FAAH2: variants seen among roughly 807,000 people sequenced by gnomAD.
FAAH2 encodes fatty acid amide hydrolase 2, also known as fatty-acid amide hydrolase 2.
A neutral mutation model predicts 36.9 loss-of-function variants in FAAH2; 60 were observed. That is an observed-to-expected ratio of 1.63 (90% CI 1.32 to 2.02). The LOEUF (loss-of-function observed/expected upper bound fraction) is 2.02, where lower values mean the gene tolerates loss of function less well. Ranked by LOEUF, FAAH2 falls within the 30% of genes most tolerant of loss-of-function variation. The probability of loss-of-function intolerance (pLI) is 0.00; values close to 1 mark genes in which losing one functional copy is unlikely to be tolerated. For synonymous variants in FAAH2, 214 were observed against 143.8 expected (o/e 1.49, Z -3.49); for missense variants, 689 against 397.5 (o/e 1.73, Z -6.23).
At position 57,310,738 on chromosome X, in the gene FAAH2, C is replaced by A. The variant is rs1435629593; in HGVS notation, c.412+9C>A. The A allele has an allele frequency of 3.4e-6, 4 of 1,181,837 alleles. No individual in the cohort carries two copies. Among genetic ancestry groups the A allele is most frequent in the South Asian group, 2.0e-5 (1 of 50,973 alleles). The stretch of plus-strand genomic sequence containing the variant: ...AGCTTTCCAGCTACAAGGTACTATT[C>A]TTTTATTTTTGGCTACATGAGTTTA... On this transcript the variant is annotated intron_variant, in intron 3 of 10. Coordinates refer to ENST00000374900, the MANE Select transcript of FAAH2 (RefSeq NM_174912.4).
the FAAH2 span, among the ~76,000 whole-genome samples, chrX:57,276,765 T>C: frequency 1.8e-5 from 2 of 111,208 alleles, no homozygotes; most frequent in Non-Finnish European, 3.8e-5. Flanking sequence ...CCCACAGAAA[T>C]ACAAACTACC....
intron 2 of FAAH2, among the ~76,000 whole-genome samples, chrX:57,295,254 A>G (rs1424736414): frequency 8.9e-6 from 1 of 112,157 alleles, no homozygotes; most frequent in African/African-American, 3.2e-5. Flanking sequence ...TGTGGGAAGA[A>G]ATAGGAAACT....
chrX:57,451,338 C>T (rs1171510295), intron 10 of FAAH2, among the ~76,000 whole-genome samples: 1 of 111,799 alleles, frequency 8.9e-6, no homozygotes, highest in East Asian at 2.8e-4. Context: ...AGTACCTTCT[C>T]CTACTTTGCT....
the FAAH2 span, among the ~76,000 whole-genome samples, chrX:57,261,552 C>CAAAAAAA: frequency 1.7e-4 from 4 of 23,386 alleles, no homozygotes; most frequent in Admixed American, 7.1e-4. Flanking sequence ...GACTCTGTCT[C>CAAAAAAA]AAAAAAAAAA....
chrX:57,467,821 C>T (rs940609706), intron 10 of FAAH2, among the ~76,000 whole-genome samples: 1 of 111,991 alleles, frequency 8.9e-6, no homozygotes, highest in African/African-American at 3.2e-5. Context: ...CCCTGACCTC[C>T]AAGTAGCCTA....
intron 5 of FAAH2, among the ~76,000 whole-genome samples, chrX:57,356,864 C>T (rs779176030): frequency 1.8e-5 from 2 of 110,463 alleles, no homozygotes; most frequent in South Asian, 3.8e-4. Context: ...TAGGTATATA[C>T]GTGCAATGGT....
chrX:57,454,609 C>T (rs770997213), intron 10 of FAAH2, among the ~76,000 whole-genome samples: 13 of 111,591 alleles, frequency 1.2e-4, no homozygotes, highest in Non-Finnish European at 2.5e-4. Flanking sequence ...AAGAAAGAAC[C>T]AAATTAAATT....
chrX:57,453,381 C>T (rs1347094645), intron 10 of FAAH2, among the ~76,000 whole-genome samples: 1 of 112,847 alleles, frequency 8.9e-6, no homozygotes, highest in African/African-American at 3.2e-5. Flanking sequence ...CACTTGTAGC[C>T]AGCAGGCCAT....
the FAAH2 span, among the ~76,000 whole-genome samples, chrX:57,259,041 TA>T: frequency 9.0e-6 from 1 of 110,868 alleles, no homozygotes; most frequent in African/African-American, 3.3e-5. Context: ...AAATCTAAAC[TA>T]CAATGATATA....
intron 3 of FAAH2, among the ~76,000 whole-genome samples, chrX:57,324,790 G>T (rs928390448): frequency 1.8e-5 from 2 of 111,807 alleles, no homozygotes; most frequent in Admixed American, 9.5e-5. Context: ...CTGCAAACAG[G>T]GACAATTTGA....
chrX:57,404,443 G>T (rs990518710), intron 7 of FAAH2, among the ~76,000 whole-genome samples: 1 of 111,502 alleles, frequency 9.0e-6, no homozygotes, highest in African/African-American at 3.3e-5. Flanking sequence ...CTTTCATCCT[G>T]ATCTATTATG....
At chrX:57,257,523 TCA>T in the FAAH2 span, among the ~76,000 whole-genome samples, 4 of 106,256 alleles carry the variant, frequency 3.8e-5, no homozygotes, top group African/African-American at 1.4e-4. Flanking sequence ...GAGAGGAATA[TCA>T]CACACCATTG....
At chrX:57,418,140 G>C (rs2055895346) in intron 7 of FAAH2, among the ~76,000 whole-genome samples, 1 of 111,974 alleles carries the variant, frequency 8.9e-6, no homozygotes, top group South Asian at 3.7e-4. Flanking sequence ...AGAATTTCAA[G>C]CCAGTGGGTC....
chrX:57,238,616 C>T, the FAAH2 span, among the ~76,000 whole-genome samples: 1 of 111,406 alleles, frequency 9.0e-6, no homozygotes, highest in African/African-American at 3.3e-5. Context: ...GCACAGGTAC[C>T]CCTGAACGTA....
At chrX:57,481,728 C>A (rs929914642) in intron 10 of FAAH2, among the ~76,000 whole-genome samples, 11 of 112,269 alleles carry the variant, frequency 9.8e-5, no homozygotes, top group Non-Finnish European at 2.1e-4. Context: ...AGGGACCCAG[C>A]TGAGGTGGCA....
chrX:57,451,239 A>C (rs1254359128), intron 10 of FAAH2, among the ~76,000 whole-genome samples: 1 of 111,631 alleles, frequency 9.0e-6, no homozygotes, highest in Non-Finnish European at 1.9e-5. Context: ...TAAGGATTCA[A>C]ACCCAGGTCT....
intron 4 of FAAH2, 134 bp downstream of exon 4, chrX:57,331,941 T>C: frequency 1.7e-6 from 1 of 603,720 alleles, no homozygotes; most frequent in East Asian, 3.6e-5. Flanking sequence ...TATTTGTGTG[T>C]TGATGGAGAA....
chrX:57,305,062 T>TTG (rs60804398), intron 2 of FAAH2, among the ~76,000 whole-genome samples: 54,652 of 103,489 alleles, frequency 0.53, 13,184 homozygotes, highest in Non-Finnish European at 0.72. Context: ...TTCTGTAATT[T>TTG]TGTGTGTGTG....
the FAAH2 span, among the ~76,000 whole-genome samples, chrX:57,139,241 G>A: frequency 8.9e-6 from 1 of 112,304 alleles, no homozygotes; most frequent in Admixed American, 9.4e-5. Flanking sequence ...TATGGTGAGA[G>A]ATAGATATGT....
Sources: gnomAD v4.1 joint callset for allele counts (sites outside exome capture counted in the v4.1 genomes callset) on GRCh38, gnomAD v4.1.1 for gene constraint, MANE v1.5 for transcripts, NCBI Gene and HGNC (gene_info 2026-07-23, HGNC 2026-07-21) for gene names.